Variants in FBXO40 observed in about 807,000 individuals in gnomAD.
FBXO40 encodes F-box only protein 40.
A neutral mutation model predicts 49.9 loss-of-function variants in FBXO40; 50 were observed. The ratio of observed to expected loss-of-function variants is 1.00; its 90% CI spans 0.80 to 1.27. FBXO40 has a LOEUF of 1.27. Among genes scored for constraint, FBXO40 ranks in the 50% most tolerant of loss-of-function variants. The pLI is 0.00. For missense variants in FBXO40, 895 were observed against 870.1 expected (o/e 1.03, Z -0.36); for synonymous variants, 340 against 320.2 (o/e 1.06, Z -0.66).
chr3:121,613,106 CAG>C, intron 1 of FBXO40, among the ~76,000 whole-genome samples: 1 of 151,946 alleles, frequency 6.6e-6, no homozygotes, highest in Non-Finnish European at 1.5e-5. Context: ...TAAGCCCATC[CAG>C]TTTAAACCTT....
At chr3:121,603,942 T>A (rs921147209) in intron 1 of FBXO40, among the ~76,000 whole-genome samples, 1 of 152,192 alleles carries the variant, frequency 6.6e-6, no homozygotes, top group South Asian at 2.1e-4. Context: ...ACGGTCTCGA[T>A]CTCTTGACCT....
intron 1 of FBXO40, among the ~76,000 whole-genome samples, chr3:121,603,241 A>G (rs1291805746): frequency 1.3e-5 from 2 of 152,226 alleles, no homozygotes; most frequent in African/African-American, 4.8e-5. Flanking sequence ...ACAGGCAAGA[A>G]TTCGAGGCAA....
At chr3:121,608,058 C>T (rs756511007) in intron 1 of FBXO40, among the ~76,000 whole-genome samples, 13 of 152,204 alleles carry the variant, frequency 8.5e-5, no homozygotes, top group Non-Finnish European at 1.8e-4. Context: ...AGTACACTGG[C>T]TCGGCTATGT....
At chr3:121,614,269 C>CAAAAA (rs35824526) in intron 1 of FBXO40, among the ~76,000 whole-genome samples, 1 of 77,640 alleles carries the variant, frequency 1.3e-5, no homozygotes. Flanking sequence ...GACTCTAGCT[C>CAAAAA]AAAAAAAAAA....
chr3:121,597,658 C>CTTTTTTTTT (rs137900064), intron 1 of FBXO40, among the ~76,000 whole-genome samples: 1 of 127,820 alleles, frequency 7.8e-6, no homozygotes. Context: ...TTATAGGCCC[C>CTTTTTTTTT]CTTTTTTTTT....
chr3:121,628,173 T>C lies in FBXO40; in HGVS notation c.*1263T>C, dbSNP rs1560134453. ...GACATTTTTAAATGGATAATTCTTT[T>C]TTTTTTTTTCTAGGTGGGGAGGGGA... On this transcript the variant is annotated 3_prime_UTR_variant, in exon 4 of 4. Coordinates refer to ENST00000338040, the MANE Select transcript of FBXO40 (RefSeq NM_016298.4). The C allele has an allele frequency of 1.6e-5, 5 of 320,844 alleles. No individual in the cohort carries two copies. Among genetic ancestry groups the C allele is most frequent in the Non-Finnish European group, 2.3e-5 (4 of 177,656 alleles). The allele number at this position is 320,844 out of a possible 1,614,324, so 19.9% of individuals were successfully genotyped here.
intron 1 of FBXO40, among the ~76,000 whole-genome samples, chr3:121,603,833 C>G (rs527489539): frequency 5.9e-5 from 9 of 152,328 alleles, no homozygotes; most frequent in African/African-American, 2.2e-4. Flanking sequence ...ATTCTCCTGC[C>G]TCAGCCTCCC....
rs374623698 is a variant in FBXO40 at position 121,622,700 on chromosome 3, T to A, written c.1271T>A (p.Met424Lys). 12 of 1,614,076 alleles carry A rather than the reference T, an allele frequency of 7.4e-6. No individual in the cohort carries two copies. The African/African-American group carries it at 1.5e-4, about 20-fold the overall frequency. ...SESRSIDGLF[M>K]DFATQTYNFE... ...TCCAGAAGCATTGATGGACTGTTCATGGATTTTGCCACACAAACATACAAC... is the reference window on the plus strand; with the variant it reads ...TCCAGAAGCATTGATGGACTGTTCAAGGATTTTGCCACACAAACATACAAC... Residue 424 changes from methionine to lysine, a missense_variant, in exon 3 of 4, where the codon ATG becomes AAG. Transcript: ENST00000338040.
At chr3:121,602,607 G>T (rs904365004) in intron 1 of FBXO40, among the ~76,000 whole-genome samples, 1 of 151,912 alleles carries the variant, frequency 6.6e-6, no homozygotes, top group Non-Finnish European at 1.5e-5. Flanking sequence ...AGCTTCCATC[G>T]CATTCTCTAC....
chr3:121,599,212 A>G (rs2048887871), intron 1 of FBXO40, among the ~76,000 whole-genome samples: 2 of 152,178 alleles, frequency 1.3e-5, no homozygotes, highest in Admixed American at 1.3e-4. Context: ...TCACACCTGT[A>G]ATCCTAGCAC....
At chr3:121,610,888 A>G (rs1436411189) in intron 1 of FBXO40, among the ~76,000 whole-genome samples, 3 of 152,080 alleles carry the variant, frequency 2.0e-5, no homozygotes, top group African/African-American at 7.2e-5. Context: ...TGATCTGCCA[A>G]CCTTGGCTGC....
intron 1 of FBXO40, among the ~76,000 whole-genome samples, chr3:121,615,740 G>A (rs2048994269): frequency 6.6e-6 from 1 of 152,056 alleles, no homozygotes; most frequent in South Asian, 2.1e-4. Context: ...AGTAAAAAGG[G>A]CTGCACTCTC....
chr3:121,606,644 G>T (rs139193005), intron 1 of FBXO40, among the ~76,000 whole-genome samples: 398 of 152,274 alleles, frequency 2.6e-3, no homozygotes, highest in Middle Eastern at 6.8e-3. Flanking sequence ...TAGGAGATTT[G>T]CAGTTAGGAA....
In FBXO40 at chr3:121,622,057, A is replaced by T. The variant is rs374090102; in HGVS notation, c.628A>T (p.Met210Leu). The stretch of plus-strand genomic sequence containing the variant: ...GGTGCTAGCCAAAACCAAAGAAGGG[A>T]TGGACCTGGTCAAGTTTGGCCAGTG... Reference protein sequence around the residue: ...REVLAKTKEGMDLVKFGQWEN... With the variant: ...REVLAKTKEGLDLVKFGQWEN... The change falls in exon 3 of 4, where the codon ATG becomes TTG. Residue 210 changes from methionine to leucine, a missense_variant. By Grantham distance (15) the Met-to-Leu change is conservative. Coordinates refer to ENST00000338040, the MANE Select transcript of FBXO40 (RefSeq NM_016298.4). 4.5e-5 allele frequency: 72 copies of T among 1,614,234 alleles called. No homozygotes were observed. The African/African-American group carries it at 9.3e-4, about 21-fold the overall frequency.
intron 1 of FBXO40, among the ~76,000 whole-genome samples, chr3:121,597,877 G>A (rs999593613): frequency 3.9e-5 from 6 of 152,016 alleles, no homozygotes; most frequent in Non-Finnish European, 7.4e-5. Context: ...TGGCCAGGCT[G>A]GTGTCAAACT....
chr3:121,617,201 A>G (rs572150334), intron 1 of FBXO40, among the ~76,000 whole-genome samples: 1 of 152,360 alleles, frequency 6.6e-6, no homozygotes, highest in East Asian at 1.9e-4. Flanking sequence ...AATACTTGAG[A>G]TGATGACCTA....
At chr3:121,601,229 G>A (rs1236293562) in intron 1 of FBXO40, among the ~76,000 whole-genome samples, 1 of 152,008 alleles carries the variant, frequency 6.6e-6, no homozygotes, top group Non-Finnish European at 1.5e-5. Flanking sequence ...CACAACAAAG[G>A]CTCAGATGTG....
At chr3:121,606,161 G>C (rs937300014) in intron 1 of FBXO40, among the ~76,000 whole-genome samples, 15 of 152,214 alleles carry the variant, frequency 9.9e-5, no homozygotes, top group Non-Finnish European at 1.6e-4. Context: ...CTTATCCAGA[G>C]CATCACTTTG....
rs749505392 is a variant in FBXO40, at chr3:121,621,564, C to G, written c.135C>G (p.Thr45=). Residue 45 remains threonine, a synonymous_variant, in exon 3 of 4, where the codon ACC becomes ACG. Coordinates refer to ENST00000338040, the MANE Select transcript of FBXO40 (RefSeq NM_016298.4). ...GCTGCCACCTGCTCTGTGGTGCCAC[C>G]TTCCACATGTGCAAAGAGGCAGAGC... ...VISCHLLCGA[T]FHMCKEAEHQ... The G allele has an allele frequency of 1.9e-6, 3 of 1,614,222 alleles. No homozygotes were observed. Among genetic ancestry groups the G allele is most frequent in the Admixed American group, 1.7e-5 (1 of 60,022 alleles).
Sources: gnomAD v4.1 joint callset for allele counts (sites outside exome capture counted in the v4.1 genomes callset) on GRCh38, gnomAD v4.1.1 for gene constraint, MANE v1.5 for transcripts, NCBI Gene and HGNC (gene_info 2026-07-23, HGNC 2026-07-21) for gene names.